CDH3: variants seen among roughly 807,000 people sequenced by gnomAD.
CDH3 encodes cadherin 3, also known as cadherin-3.
A neutral mutation model predicts 82.0 loss-of-function variants in CDH3; 54 were observed. The observed-to-expected ratio is 0.66, with a 90% confidence interval of 0.53 to 0.83. The LOEUF (loss-of-function observed/expected upper bound fraction) is 0.83, where lower values mean the gene tolerates loss of function less well. Ranked by LOEUF, CDH3 falls within the 40% of genes least tolerant of loss-of-function variation. CDH3 has a pLI of 0.00. For missense variants in CDH3, 1,054 were observed against 1,084.6 expected (o/e 0.97, Z 0.40); for synonymous variants, 446 against 437.9 (o/e 1.02, Z -0.23).
chr16:68,682,284 T>C lies in CDH3; in HGVS notation c.997-18T>C, dbSNP rs753925568. ...GTCATTCTCTGCTCTGATAGTGCTG[T>C]GCTTCTCACACTGACAGTACGAGGC... On this transcript the variant is annotated intron_variant, in intron 8 of 15. Coordinates refer to ENST00000264012, the MANE Select transcript of CDH3 (RefSeq NM_001793.6). 1.2e-6 allele frequency: 2 copies of C among 1,611,976 alleles called. No individual in the cohort carries two copies. Among genetic ancestry groups the C allele is most frequent in the African/African-American group, 2.7e-5 (2 of 74,892 alleles).
chr16:68,721,668 T>G (rs1962166409), intron 1 of CDH3, among the ~76,000 whole-genome samples: 1 of 152,216 alleles, frequency 6.6e-6, no homozygotes, highest in Non-Finnish European at 1.5e-5. Flanking sequence ...TCTTCTCCCT[T>G]CTGGGCCTTT....
intron 2 of CDH3, among the ~76,000 whole-genome samples, chr16:68,674,125 G>T (rs958090484): frequency 6.6e-6 from 1 of 152,134 alleles, no homozygotes; most frequent in Non-Finnish European, 1.5e-5. Flanking sequence ...TTCCACAGTG[G>T]CTGCATCATT....
chr16:68,703,479 A>G (rs1237279476), downstream of CDH3, among the ~76,000 whole-genome samples: 2 of 152,294 alleles, frequency 1.3e-5, no homozygotes, highest in East Asian at 3.9e-4. Context: ...GTCCAGTTCG[A>G]AGCTTGCTGG....
intron 2 of CDH3, among the ~76,000 whole-genome samples, chr16:68,670,102 T>C (rs1275753435): frequency 6.6e-6 from 1 of 151,602 alleles, no homozygotes; most frequent in Non-Finnish European, 1.5e-5. Context: ...CGGGCGCCTG[T>C]AGTCCCAGCT....
At chr16:68,650,451 G>A (rs1359870000) in intron 2 of CDH3, among the ~76,000 whole-genome samples, 1 of 152,086 alleles carries the variant, frequency 6.6e-6, no homozygotes, top group East Asian at 1.9e-4. Flanking sequence ...ACAGGCATGC[G>A]CCACAACGCC....
At chr16:68,701,369 A>T (rs528063868), downstream of CDH3, among the ~76,000 whole-genome samples, 5 of 152,134 alleles carry the variant, frequency 3.3e-5, no homozygotes, top group African/African-American at 1.2e-4. Flanking sequence ...TAGTGCCTGT[A>T]ATAAGTAAAA....
chr16:68,731,368 CAAAA>C (rs869074059), downstream of CDH3, among the ~76,000 whole-genome samples: 34 of 2,250 alleles, frequency 0.015, 1 homozygote, highest in Non-Finnish European at 0.017. Context: ...AACTCCGTCT[CAAAA>C]AAAAAAAAAA....
intron 9 of CDH3, among the ~76,000 whole-genome samples, chr16:68,683,505 A>G (rs1831418523): frequency 6.6e-6 from 1 of 151,694 alleles, no homozygotes; most frequent in South Asian, 2.1e-4. Context: ...CAAAAAAATT[A>G]GCTGGGCGTG....
chr16:68,685,061 C>T, intron 10 of CDH3, 144 bp from the exon 11 acceptor site: 3 of 1,114,282 alleles, frequency 2.7e-6, no homozygotes, highest in Non-Finnish European at 4.0e-6. Context: ...GCTTTAGGTC[C>T]CCGTTTATGG....
intron 6 of CDH3, 114 bp downstream of exon 6, chr16:68,679,020 T>A: frequency 8.8e-7 from 1 of 1,130,988 alleles, no homozygotes; most frequent in Non-Finnish European, 1.3e-6. Flanking sequence ...GGGATCTTCT[T>A]AAAAATCCAG....
At chr16:68,682,517 T>A in intron 9 of CDH3, 30 bp downstream of exon 9, 1 of 1,607,226 alleles carries the variant, frequency 6.2e-7, no homozygotes, top group Non-Finnish European at 8.5e-7. Flanking sequence ...AGACAATGGC[T>A]ATACCTGGGG....
At chr16:68,681,738 T>G (rs1205131571) in intron 8 of CDH3, among the ~76,000 whole-genome samples, 1 of 152,122 alleles carries the variant, frequency 6.6e-6, no homozygotes, top group East Asian at 1.9e-4. Context: ...CTTGGGAAGC[T>G]GAGACATGAG....
In CDH3 at chr16:68,674,012, CTG is replaced by C. The variant is rs1960964007; in HGVS notation, c.161-2371_161-2370del. 7.2e-5 allele frequency among the ~76,000 whole-genome samples: 11 copies of C among 152,246 alleles called. 1 individual carries two copies. In the South Asian group the frequency reaches 2.3e-3, roughly 32 times the overall value. On this transcript the variant is annotated intron_variant, in intron 2 of 15. Transcript: ENST00000264012. ...GCTGTAAAAATGAATGCATAAGTAT[CTG>C]TTTGAATCCTTTTGGTTCTTTCAGG... is the stretch of plus-strand genomic sequence containing the variant.
rs1443330703 is a variant in CDH3 at position 68,707,301 on chromosome 16, C to A, written c.99+11378C>A. On this transcript the variant is annotated intron_variant, in intron 1 of 2. Transcript: ENST00000569080. The surrounding 1 kb of genome is among the most constrained non-coding windows in gnomAD (Gnocchi z 4.5). Reference sequence around the variant, plus strand: ...GGTAAGGAGCGGGGGGCCAAGGCGCCCAGTCCTGGGTGTCCTCCTTCACGC... The same window carrying A: ...GGTAAGGAGCGGGGGGCCAAGGCGCACAGTCCTGGGTGTCCTCCTTCACGC... Among the ~76,000 whole-genome samples the A allele has an allele frequency of 2.0e-5, 3 of 152,160 alleles. No individual in the cohort carries two copies. Among genetic ancestry groups the A allele is most frequent in the Non-Finnish European group, 4.4e-5 (3 of 68,028 alleles).
chr16:68,727,109 A>C (rs928317730), intron 2 of CDH3, among the ~76,000 whole-genome samples: 2 of 152,350 alleles, frequency 1.3e-5, no homozygotes, highest in South Asian at 4.1e-4. Context: ...AAAGGCAGGC[A>C]GGAAAGGTGA....
intron 13 of CDH3, among the ~76,000 whole-genome samples, chr16:68,694,644 C>T (rs1329225247): frequency 6.7e-6 from 1 of 149,928 alleles, no homozygotes; most frequent in Admixed American, 6.7e-5. Flanking sequence ...AAAAAAATTC[C>T]AACACTGCAT....
At chr16:68,727,580 A>G (rs1962232243), downstream of CDH3, among the ~76,000 whole-genome samples, 1 of 152,040 alleles carries the variant, frequency 6.6e-6, no homozygotes. Flanking sequence ...GTTCACAACT[A>G]GCCTAGGCAA....
Position 68,678,895 on chromosome 16 carries a change from G to C in CDH3, c.680G>C (p.Gly227Ala). 6.2e-7 allele frequency: 1 copy of C among 1,613,726 alleles called. No homozygotes were observed. The highest frequency in any genetic ancestry group is 8.5e-7 in the Non-Finnish European group (1 of 1,179,994). ...ACCTTCCGAGGGAGTGTCTTAGAGG[G>C]AGTCCTACCAGGTAAGAGGACTGGG... ...QDTFRGSVLEGVLPGTSVMQV... is the reference protein window; with the variant it reads ...QDTFRGSVLEAVLPGTSVMQV... The change falls in exon 6 of 16, where the codon GGA becomes GCA. Residue 227 changes from glycine to alanine, a missense_variant. Transcript: ENST00000264012.
chr16:68,701,568 CAG>C (rs1961894736), downstream of CDH3, among the ~76,000 whole-genome samples: 3 of 139,696 alleles, frequency 2.1e-5, no homozygotes, highest in Admixed American at 2.2e-4. Flanking sequence ...TTTTTTGAGA[CAG>C]AGTCTCACTC....
Sources: gnomAD v4.1 joint callset for allele counts (sites outside exome capture counted in the v4.1 genomes callset) on GRCh38, gnomAD v4.1.1 for gene constraint, Gnocchi (gnomAD v3.1) non-coding constraint, MANE v1.5 for transcripts, NCBI Gene and HGNC (gene_info 2026-07-23, HGNC 2026-07-21) for gene names.